Variants in F5 observed in about 807,000 individuals in gnomAD.
F5 encodes coagulation factor V.
Under a neutral mutation model 216.4 loss-of-function variants are expected in F5, and 138 were observed. The ratio of observed to expected loss-of-function variants is 0.64; its 90% CI spans 0.56 to 0.73. The LOEUF is 0.73. F5 is among the 30% of genes least tolerant of loss of function. F5 has a pLI of 0.00. For missense variants in F5, 2,403 were observed against 2,674.0 expected (o/e 0.90, Z 2.24); for synonymous variants, 916 against 930.7 (o/e 0.98, Z 0.29).
rs1659145073 is a variant in F5, at chr1:169,515,858, A to G, written c.6346-232T>C. On this transcript the variant is annotated intron_variant, in intron 23 of 24. Coordinates refer to ENST00000367797, the MANE Select transcript of F5 (RefSeq NM_000130.5). ...GTACTATAATTGTTTCCTTCTTAGC[A>G]TTCCTTACTGCTTAAGGGTAGAGGC... The G allele has an allele frequency of 5.7e-6, 3 of 529,414 alleles. No homozygotes were observed. The South Asian group carries it at 6.2e-5, about 11-fold the overall frequency. 32.8% of individuals were successfully genotyped at this position (529,414 alleles called of 1,614,324 possible). A position where few individuals can be genotyped will look rare whatever the true frequency, so the allele number is the denominator to read the frequency against.
Position 169,536,680 on chromosome 1 carries a change from C to T in F5, c.4797G>A (p.Arg1599=), listed in dbSNP as rs771260431. The T allele has an allele frequency of 1.2e-6, 2 of 1,604,294 alleles. No individual in the cohort carries two copies. The highest frequency in any genetic ancestry group is 1.7e-5 in the Admixed American group (1 of 59,912). The change falls in exon 14 of 25, where the codon AGG becomes AGA. Residue 1599 remains arginine (R), a splice_region_variant and synonymous_variant. Transcript: ENST00000367797. ...ISWDYSEFVQ[R]ETDIEDSDDI... is the part of the protein sequence containing the mutation. ...CATCAGAGTCTTCAATATCTGTTTCCCTGAAATAATAATACTATTTGTGTA... is the reference window on the plus strand; with the variant it reads ...CATCAGAGTCTTCAATATCTGTTTCTCTGAAATAATAATACTATTTGTGTA...
chr1:169,515,163 C>G (rs1032791151), intron 24 of F5, among the ~76,000 whole-genome samples: 1 of 152,048 alleles, frequency 6.6e-6, no homozygotes, highest in African/African-American at 2.4e-5. Context: ...CCATCATCAG[C>G]AAGTTCCCCA....
chr1:169,524,984 G>T, intron 18 of F5, 76 bp from the exon 19 acceptor site: 1 of 1,161,668 alleles, frequency 8.6e-7, no homozygotes, highest in Non-Finnish European at 1.3e-6. Context: ...CATGGTTAGG[G>T]ATTATGTTTC....
Position 169,572,303 on chromosome 1 carries a change from G to A in F5, c.291C>T (p.Ile97=), listed in dbSNP as rs1375603566. The change falls in exon 3 of 25, where the codon ATC becomes ATT. Residue 97 remains isoleucine, a synonymous_variant. Transcript: ENST00000367797. ...CCTTATTTTTAAAGTGAACTTTTAT[G>A]ATGTCTCCGACTTCAGCATATAAAG... ...GPTLYAEVGD[I]IKVHFKNKAD... is the part of the protein sequence containing the mutation. 6.2e-7 allele frequency: 1 copy of A among 1,613,274 alleles called. No homozygotes were observed. The highest frequency in any genetic ancestry group is 2.2e-5 in the East Asian group (1 of 44,836).
intron 14 of F5, among the ~76,000 whole-genome samples, chr1:169,535,669 T>A (rs565851718): frequency 1.3e-5 from 2 of 152,334 alleles, no homozygotes; most frequent in East Asian, 3.8e-4. Flanking sequence ...ATAAGTTTTT[T>A]AAATATTGTG....
At chr1:169,516,798 T>A (rs896938881) in intron 23 of F5, among the ~76,000 whole-genome samples, 3 of 152,202 alleles carry the variant, frequency 2.0e-5, no homozygotes, top group Non-Finnish European at 2.9e-5. Context: ...ACATTTCATG[T>A]GAATGGAAGG....
At chr1:169,546,072 C>T (rs900780853) in intron 11 of F5, among the ~76,000 whole-genome samples, 2 of 152,028 alleles carry the variant, frequency 1.3e-5, no homozygotes, top group African/African-American at 4.8e-5. Context: ...CTGTCCTAGC[C>T]ATATATTCAC....
intron 17 of F5, among the ~76,000 whole-genome samples, chr1:169,526,230 A>G (rs1659446999): frequency 6.6e-6 from 1 of 152,154 alleles, no homozygotes; most frequent in Non-Finnish European, 1.5e-5. Context: ...TTAAATCACC[A>G]CCACACCTCA....
In F5 at chr1:169,560,694, G is replaced by T; in HGVS notation, c.446C>A (p.Thr149Asn). Residue 149 changes from threonine (T) to asparagine (N), a missense_variant, in exon 4 of 25, where the codon ACC becomes AAC. Physicochemically the swap from Thr to Asn is moderately conservative, Grantham distance 65. Transcript: ENST00000367797. ...GTCCTCACTGATACTCCATTCATAG[G>T]TGTATTCTCGGCCTGGAGCCACAGC... ...DDAVAPGREY[T>N]YEWSISEDSG... 3.7e-6 allele frequency: 6 copies of T among 1,613,736 alleles called. No homozygotes were observed. Among genetic ancestry groups the T allele is most frequent in the Non-Finnish European group, 5.1e-6 (6 of 1,179,800 alleles).
chr1:169,555,802 G>A (rs762470822), intron 6 of F5, among the ~76,000 whole-genome samples: 24 of 151,890 alleles, frequency 1.6e-4, no homozygotes, highest in Non-Finnish European at 2.6e-4. Flanking sequence ...TTACATTGTT[G>A]TTTTAATATT....
rs770787334 is a variant in F5, at chr1:169,556,732, A to C, written c.866T>G (p.Val289Gly). 1.2e-6 allele frequency: 2 copies of C among 1,614,140 alleles called. No individual in the cohort carries two copies. The highest frequency in any genetic ancestry group is 1.7e-6 in the Non-Finnish European group (2 of 1,179,996). ...NHHKVSAITLVSATSTTANMT... is the reference protein window; with the variant it reads ...NHHKVSAITLGSATSTTANMT... The stretch of plus-strand genomic sequence containing the variant: ...ATTTGCGGTAGTGGATGTAGCACTG[A>C]CAAGGGTGATGGCTGAGACCTTATG... The change falls in exon 6 of 25, where the codon GTC becomes GGC. Residue 289 changes from valine to glycine, a missense_variant. Transcript: ENST00000367797.
chr1:169,553,820 A>G lies in F5; in HGVS notation c.1119-1086T>C, dbSNP rs1005936491. Among the ~76,000 whole-genome samples the G allele has an allele frequency of 3.3e-5, 5 of 152,256 alleles. No individual in the cohort carries two copies. In the South Asian group the frequency reaches 6.2e-4, roughly 19 times the overall value. On this transcript the variant is annotated intron_variant, in intron 7 of 24. Transcript: ENST00000367797. The stretch of plus-strand genomic sequence containing the variant: ...AGAAGAGATGCTGGCAAGGTCATGG[A>G]GAGAAAGGAACACTTATACACTCTT...
At chr1:169,532,222 C>T (rs1659607632) in intron 14 of F5, among the ~76,000 whole-genome samples, 1 of 152,184 alleles carries the variant, frequency 6.6e-6, no homozygotes, top group African/African-American at 2.4e-5. Flanking sequence ...CCATCTATGA[C>T]AAACCTACAG....
rs916286148 is a variant in F5, at chr1:169,549,866, C to T, written c.1546G>A (p.Ala516Thr). The T allele has an allele frequency of 6.8e-6, 11 of 1,614,088 alleles. No individual in the cohort carries two copies. Among genetic ancestry groups the T allele is most frequent in the Non-Finnish European group, 7.6e-6 (9 of 1,180,002 alleles). The change falls in exon 10 of 25, where the codon GCC becomes ACC. Residue 516 changes from alanine (A) to threonine (T), a missense_variant. By Grantham distance (58) the Ala-to-Thr change is moderately conservative. This residue lies in a region of F5 where 1,425 missense variants were observed against 1,554.8 expected (regional missense o/e 0.92). Coordinates refer to ENST00000367797, the MANE Select transcript of F5 (RefSeq NM_000130.5). ...AGAAGTAGTCCTATTAGCCCAGAGG[C>T]GATGTCTCTCATGATGTCCACGTCA... Reference protein sequence around the residue: ...YSDVDIMRDIASGLIGLLLIC... With the variant: ...YSDVDIMRDITSGLIGLLLIC...
At chr1:169,518,621 T>C (rs1659216822) in intron 22 of F5, 58 bp from the exon 23 acceptor site, 1 of 1,550,690 alleles carries the variant, frequency 6.4e-7, no homozygotes, top group East Asian at 2.2e-5. Context: ...CATGGCTTCA[T>C]GCACTGCAGA....
At chr1:169,582,565 T>A in intron 1 of F5, 43 bp from the exon 2 acceptor site, 1 of 1,063,516 alleles carries the variant, frequency 9.4e-7, no homozygotes. Flanking sequence ...GCATATTCAA[T>A]ATCTATTTCT....
chr1:169,536,292 T>C lies in F5; in HGVS notation c.4971+214A>G, dbSNP rs115548807. Among the ~76,000 whole-genome samples the C allele has an allele frequency of 4.4e-3, 663 of 151,746 alleles. 7 individuals are homozygous for C. Among genetic ancestry groups the C allele is most frequent in the African/African-American group, 0.015 (632 of 41,366 alleles). On this transcript the variant is annotated intron_variant, in intron 14 of 24. Coordinates refer to ENST00000367797, the MANE Select transcript of F5 (RefSeq NM_000130.5). The stretch of plus-strand genomic sequence containing the variant: ...ACAGAAAGATTTTCCACAGATTATA[T>C]AGTTTTCAGCATTTAAAAAATGAGA...
intron 14 of F5, among the ~76,000 whole-genome samples, chr1:169,532,748 A>C (rs1659618709): frequency 6.6e-6 from 1 of 152,194 alleles, no homozygotes; most frequent in African/African-American, 2.4e-5. Flanking sequence ...AAATGGAAAA[A>C]CATTCTATGC....
At chr1:169,523,440 G>T (rs1659357804) in intron 20 of F5, 88 bp from the exon 21 acceptor site, 19 of 1,458,510 alleles carry the variant, frequency 1.3e-5, no homozygotes, top group Non-Finnish European at 1.6e-5. Flanking sequence ...GCTTTCTTCA[G>T]AACTAAAGAG....
Sources: allele counts gnomAD v4.1 joint callset (sites outside exome capture counted in the v4.1 genomes callset), GRCh38; gene constraint gnomAD v4.1.1; regional missense constraint gnomAD v4.1.1; transcripts MANE v1.5; gene names NCBI Gene and HGNC (gene_info 2026-07-23, HGNC 2026-07-21).